The following OSBPL10 variants were observed in gnomAD, a reference collection of about 807,000 sequenced individuals.
The protein encoded by OSBPL10 is oxysterol-binding protein-related protein 10.
In OSBPL10, 49 loss-of-function variants were observed where a neutral mutation model predicts 81.7. The observed-to-expected ratio is 0.60, with a 90% confidence interval of 0.48 to 0.76. The LOEUF (loss-of-function observed/expected upper bound fraction) is 0.76. OSBPL10 is among the 30% of genes least tolerant of loss of function. OSBPL10 has a pLI of 0.00. For missense variants in OSBPL10, 923 were observed against 987.8 expected (o/e 0.93, Z 0.88); for synonymous variants, 419 against 383.6 (o/e 1.09, Z -1.08).
At chr3:31,973,077 C>G (rs1165376067) in intron 1 of OSBPL10, among the ~76,000 whole-genome samples, 2 of 152,148 alleles carry the variant, frequency 1.3e-5, no homozygotes, top group Non-Finnish European at 2.9e-5. Context: ...CTTGGCCTGG[C>G]CCCAAATCGC....
At chr3:31,871,372 A>C (rs967007803) in intron 3 of OSBPL10, among the ~76,000 whole-genome samples, 1 of 152,114 alleles carries the variant, frequency 6.6e-6, no homozygotes, top group Non-Finnish European at 1.5e-5. Context: ...GAGACTATGA[A>C]CCCACCAGAA....
chr3:31,664,916 GCTCACTACCC>G (rs1700154028), intron 10 of OSBPL10, among the ~76,000 whole-genome samples: 2 of 151,926 alleles, frequency 1.3e-5, no homozygotes, highest in South Asian at 4.1e-4. Context: ...AGGCTGTTCA[GCTCACTACCC>G]CTCTTCAGCC....
chr3:31,855,321 G>A (rs1245267826), intron 3 of OSBPL10, among the ~76,000 whole-genome samples: 2 of 152,156 alleles, frequency 1.3e-5, no homozygotes, highest in African/African-American at 4.8e-5. Context: ...TGCTCGGTGA[G>A]TTGTCATGTA....
chr3:31,920,737 G>T (rs1165112727), intron 1 of OSBPL10, among the ~76,000 whole-genome samples: 1 of 152,140 alleles, frequency 6.6e-6, no homozygotes, highest in Non-Finnish European at 1.5e-5. Flanking sequence ...CTCATGAATG[G>T]CTTGGGACCA....
intron 4 of OSBPL10, among the ~76,000 whole-genome samples, chr3:31,808,905 T>C (rs544598790): frequency 5.9e-5 from 9 of 152,360 alleles, no homozygotes; most frequent in African/African-American, 2.2e-4. Context: ...CATGCAATAA[T>C]ATTTATCAAA....
At chr3:31,993,899 CA>C (rs377747870) in intron 2 of OSBPL10, among the ~76,000 whole-genome samples, 7 of 150,684 alleles carry the variant, frequency 4.6e-5, no homozygotes, top group Admixed American at 6.6e-5. Context: ...TATGTTTGTA[CA>C]AAAAAAAACT....
intron 4 of OSBPL10, among the ~76,000 whole-genome samples, chr3:31,792,768 T>TGC (rs1453035464): frequency 7.6e-6 from 1 of 131,524 alleles, no homozygotes; most frequent in Non-Finnish European, 1.6e-5. Flanking sequence ...TGTGTGTGTG[T>TGC]GTGTGTGTAA....
intron 1 of OSBPL10, among the ~76,000 whole-genome samples, chr3:31,963,483 C>T (rs768752537): frequency 2.0e-5 from 3 of 152,126 alleles, no homozygotes; most frequent in Non-Finnish European, 2.9e-5. Flanking sequence ...CAAATGATGA[C>T]AGCAGGAGTG....
chr3:31,761,030 A>G (rs17028224), intron 4 of OSBPL10, among the ~76,000 whole-genome samples: 4,778 of 152,178 alleles, frequency 0.031, 260 homozygotes, highest in African/African-American at 0.11. Flanking sequence ...AACAATTTGT[A>G]TTCTCAGTCG....
rs763461618 is a variant in OSBPL10 at position 31,748,007 on chromosome 3, G to C, written c.843C>G (p.Thr281=). Residue 281 remains threonine, a synonymous_variant, in exon 5 of 12, where the codon ACC becomes ACG. Coordinates refer to ENST00000396556, the MANE Select transcript of OSBPL10 (RefSeq NM_017784.5). ...CAAGGCAGCTGAGGGTGGCAGCAGA[G>C]GTAGCTTTCAGGAGCAGCAGGTCCT... ...LDQDLLLLKA[T]SAATLSCLGE... is the part of the protein sequence containing the mutation. 2.5e-6 allele frequency: 4 copies of C among 1,614,092 alleles called. No individual in the cohort carries two copies. Among genetic ancestry groups the C allele is most frequent in the Non-Finnish European group, 3.4e-6 (4 of 1,180,050 alleles).
At position 31,981,259 on chromosome 3, in the gene OSBPL10, G is replaced by A; in HGVS notation, c.-80C>T. ...CGGCTGCTGCTGCTGCTACAGCTCC[G>A]GACGCCCGGGCCGCGCGTGCCTGCT... is the stretch of plus-strand genomic sequence containing the variant. On this transcript the variant is annotated 5_prime_UTR_variant, in exon 1 of 12. Transcript: ENST00000396556. The surrounding 1 kb of genome is among the most constrained non-coding windows in gnomAD (Gnocchi z 4.5). 4 of 1,310,732 alleles carry A rather than the reference G, an allele frequency of 3.1e-6. No homozygotes were observed. The highest frequency in any genetic ancestry group is 2.3e-5 in the South Asian group (1 of 44,208). 81.2% of individuals were successfully genotyped at this position (1,310,732 alleles called of 1,614,324 possible). A position where few individuals can be genotyped will look rare whatever the true frequency, so the allele number is the denominator to read the frequency against.
intron 6 of OSBPL10, among the ~76,000 whole-genome samples, chr3:31,726,461 C>T (rs1696811425): frequency 6.6e-6 from 1 of 151,952 alleles, no homozygotes; most frequent in Non-Finnish European, 1.5e-5. Context: ...GGATTGTAGG[C>T]ACCCACCACC....
chr3:31,681,575 G>T (rs1366256023), intron 8 of OSBPL10, among the ~76,000 whole-genome samples: 1 of 152,130 alleles, frequency 6.6e-6, no homozygotes, highest in African/African-American at 2.4e-5. Flanking sequence ...TCCCTTCTCA[G>T]TTCTCATCTT....
intron 1 of OSBPL10, among the ~76,000 whole-genome samples, chr3:31,966,449 C>A (rs1334413304): frequency 2.0e-5 from 3 of 151,130 alleles, no homozygotes; most frequent in Non-Finnish European, 3.0e-5. Flanking sequence ...GAATAGAAAT[C>A]AATTAAATTG....
At chr3:31,843,664 T>A (rs1320755990) in intron 3 of OSBPL10, among the ~76,000 whole-genome samples, 1 of 152,168 alleles carries the variant, frequency 6.6e-6, no homozygotes, top group African/African-American at 2.4e-5. Context: ...ATTCTCTCTA[T>A]AGGTTAAAGT....
intron 1 of OSBPL10, chr3:31,907,026 T>C (rs1232309257): frequency 6.6e-6 from 1 of 152,194 alleles, no homozygotes; most frequent in African/African-American, 2.4e-5. Context: ...ATTATTGATG[T>C]CATAATTTAT....
chr3:31,848,684 T>C (rs1391393850), intron 3 of OSBPL10, among the ~76,000 whole-genome samples: 2 of 152,158 alleles, frequency 1.3e-5, no homozygotes, highest in Non-Finnish European at 2.9e-5. Context: ...GGTTTAAGGA[T>C]TAACACAGAA....
Position 31,846,050 on chromosome 3 carries a change from T to C in OSBPL10, c.538-15819A>G, listed in dbSNP as rs372339683. Among the ~76,000 whole-genome samples, 66 of 152,294 alleles carry C rather than the reference T, an allele frequency of 4.3e-4. 2 individuals carry two copies. In the South Asian group the frequency reaches 0.013, roughly 30 times the overall value. On this transcript the variant is annotated intron_variant, in intron 3 of 11. Transcript: ENST00000396556. ...TCTTTTGAGACAGGGTCTCACTCTG[T>C]CACCCAGGATGAAGTGCAGCGGCAC...
At chr3:31,730,151 A>G (rs186186430) in intron 6 of OSBPL10, among the ~76,000 whole-genome samples, 225 of 152,240 alleles carry the variant, frequency 1.5e-3, no homozygotes, top group African/African-American at 3.5e-3. Flanking sequence ...GATCATGCTG[A>G]CCAACATGGT....
Sources: allele counts gnomAD v4.1 joint callset (sites outside exome capture counted in the v4.1 genomes callset), GRCh38; gene constraint gnomAD v4.1.1; non-coding constraint Gnocchi (gnomAD v3.1); transcripts MANE v1.5; gene names NCBI Gene and HGNC (gene_info 2026-07-23, HGNC 2026-07-21).